The following MARCHF1 variants were observed in gnomAD, a reference collection of about 807,000 sequenced individuals.
MARCHF1 encodes E3 ubiquitin-protein ligase MARCHF1.
A neutral mutation model predicts 54.2 loss-of-function variants in MARCHF1; 40 were observed. The ratio of observed to expected loss-of-function variants is 0.74; its 90% CI spans 0.57 to 0.96. The LOEUF is 0.96. Ranked by LOEUF, MARCHF1 falls within the 40% of genes least tolerant of loss-of-function variation. The pLI, the probability that MARCHF1 is intolerant of heterozygous loss-of-function variation, is 0.00. For missense variants in MARCHF1, 586 were observed against 656.5 expected, an observed-to-expected ratio of 0.89 and a Z score of 1.17; for synonymous variants, 236 against 236.3, an observed-to-expected ratio of 1.00 and a Z score of 0.01.
intron 5 of MARCHF1, among the ~76,000 whole-genome samples, chr4:163,616,089 A>C (rs188055623): frequency 6.6e-6 from 1 of 152,310 alleles, no homozygotes; most frequent in African/African-American, 2.4e-5. Flanking sequence ...AAAGACTTAA[A>C]TATAGACCCA....
intron 8 of MARCHF1, among the ~76,000 whole-genome samples, chr4:163,577,455 G>A (rs139692393): frequency 3.2e-4 from 49 of 152,154 alleles, no homozygotes; most frequent in African/African-American, 1.1e-3. Flanking sequence ...TCCACTGTTA[G>A]CCTAATGGAG....
intron 4 of MARCHF1, among the ~76,000 whole-genome samples, chr4:163,785,216 C>A (rs1747582501): frequency 6.6e-6 from 1 of 151,978 alleles, no homozygotes. Flanking sequence ...TTAAGTACTC[C>A]AATTTGAAGA....
chr4:164,256,465 AAAAG>A (rs1733286555), intron 1 of MARCHF1, among the ~76,000 whole-genome samples: 1 of 151,078 alleles, frequency 6.6e-6, no homozygotes, highest in Non-Finnish European at 1.5e-5. Flanking sequence ...AAAGAAAAGA[AAAAG>A]AAAGATTATA....
chr4:163,796,975 T>G (rs1446269196), intron 4 of MARCHF1, among the ~76,000 whole-genome samples: 2 of 152,104 alleles, frequency 1.3e-5, no homozygotes, highest in Non-Finnish European at 2.9e-5. Context: ...TTATTTTAAT[T>G]TTTACTAATT....
intron 5 of MARCHF1, among the ~76,000 whole-genome samples, chr4:163,699,965 T>TTTG (rs1744755433): frequency 7.3e-6 from 1 of 136,316 alleles, no homozygotes; most frequent in Non-Finnish European, 1.6e-5. Context: ...AATATTTTGT[T>TTTG]TTTTTTTTTT....
chr4:164,373,649 C>G (rs1158744480), intron 1 of MARCHF1, among the ~76,000 whole-genome samples: 1 of 151,872 alleles, frequency 6.6e-6, no homozygotes, highest in East Asian at 1.9e-4. Flanking sequence ...GTCACCGTGC[C>G]CAGCCCAAAA....
At chr4:163,902,381 C>A (rs1750962494) in intron 3 of MARCHF1, among the ~76,000 whole-genome samples, 1 of 152,194 alleles carries the variant, frequency 6.6e-6, no homozygotes, top group African/African-American at 2.4e-5. Context: ...CAAGAGAATG[C>A]TATCTCTGGC....
At chr4:163,949,387 T>A (rs1270977409) in intron 3 of MARCHF1, among the ~76,000 whole-genome samples, 1 of 152,136 alleles carries the variant, frequency 6.6e-6, no homozygotes, top group Non-Finnish European at 1.5e-5. Flanking sequence ...GTCACAGCCC[T>A]GGCTCGTGAA....
At chr4:163,968,333 C>A (rs868583585) in intron 3 of MARCHF1, among the ~76,000 whole-genome samples, 2 of 152,068 alleles carry the variant, frequency 1.3e-5, no homozygotes, top group South Asian at 2.1e-4. Context: ...ATAGGCAGGG[C>A]AAAATACATA....
chr4:163,597,106 C>G (rs146446900), intron 7 of MARCHF1, among the ~76,000 whole-genome samples: 1 of 152,258 alleles, frequency 6.6e-6, no homozygotes, highest in Non-Finnish European at 1.5e-5. Flanking sequence ...CAGGCATGTA[C>G]TACCACGCCC....
rs140622477 is a variant in MARCHF1, at chr4:164,367,887, C to T, written c.-323+15983G>A. On this transcript the variant is annotated intron_variant, in intron 1 of 9. Coordinates refer to ENST00000514618, the MANE Select transcript of MARCHF1 (RefSeq NM_001394959.1). ...TTCTTTTGTTTAGTATCTTTTGTAT[C>T]TCCATCATCTCTTAAGTCCAATATT... 3.0e-4 allele frequency among the ~76,000 whole-genome samples: 46 copies of T among 151,706 alleles called. 1 individual carries two copies. The East Asian group carries it at 6.4e-3, about 21-fold the overall frequency.
At chr4:163,633,082 C>CG (rs528657547) in intron 5 of MARCHF1, among the ~76,000 whole-genome samples, 5,198 of 151,984 alleles carry the variant, frequency 0.034, 301 homozygotes, top group East Asian at 0.2. Flanking sequence ...ACATCCACAC[C>CG]AAAACCCATC....
At chr4:164,276,947 T>TATATATAGAG (rs1392528920) in intron 1 of MARCHF1, among the ~76,000 whole-genome samples, 15 of 118,820 alleles carry the variant, frequency 1.3e-4, no homozygotes, top group African/African-American at 2.3e-4. Context: ...TATATATATA[T>TATATATAGAG]AGAGAGAGAG....
chr4:164,103,888 AAG>A (rs1243461422), intron 2 of MARCHF1, among the ~76,000 whole-genome samples: 1 of 142,782 alleles, frequency 7.0e-6, no homozygotes, highest in Admixed American at 6.8e-5. Context: ...TAAAGAAAAA[AAG>A]AGAGAAGAAT....
intron 8 of MARCHF1, among the ~76,000 whole-genome samples, chr4:163,567,428 A>G (rs1739681147): frequency 6.6e-6 from 1 of 152,118 alleles, no homozygotes; most frequent in African/African-American, 2.4e-5. Context: ...TTCGTGCCCC[A>G]CCTTATGCCT....
At chr4:164,193,702 T>C (rs1250357090) in intron 1 of MARCHF1, among the ~76,000 whole-genome samples, 1 of 152,108 alleles carries the variant, frequency 6.6e-6, no homozygotes, top group African/African-American at 2.4e-5. Context: ...TATTATGACA[T>C]AAGAAACATT....
intron 1 of MARCHF1, among the ~76,000 whole-genome samples, chr4:164,375,841 CCT>C (rs1731175928): frequency 1.3e-5 from 2 of 152,162 alleles, no homozygotes; most frequent in Admixed American, 6.5e-5. Context: ...TTCATTTCTC[CCT>C]CTGTTAGAAA....
chr4:164,237,547 A>G (rs1026303483), intron 1 of MARCHF1, among the ~76,000 whole-genome samples: 3 of 152,126 alleles, frequency 2.0e-5, no homozygotes, highest in Non-Finnish European at 4.4e-5. Flanking sequence ...GTACATGCAC[A>G]TATGCACACA....
intron 3 of MARCHF1, among the ~76,000 whole-genome samples, chr4:163,938,308 G>A (rs1046415276): frequency 1.3e-5 from 2 of 152,126 alleles, no homozygotes; most frequent in Non-Finnish European, 2.9e-5. Flanking sequence ...ATACAATCTC[G>A]ATCCAATGAT....
Sources: gnomAD v4.1 joint callset for allele counts (sites outside exome capture counted in the v4.1 genomes callset) on GRCh38, gnomAD v4.1.1 for gene constraint, MANE v1.5 for transcripts, NCBI Gene and HGNC (gene_info 2026-07-23, HGNC 2026-07-21) for gene names.